RTBDN: variants seen among roughly 807,000 people sequenced by gnomAD.
The protein encoded by RTBDN is retbindin.
RTBDN carries 24 observed loss-of-function variants against 21.9 expected under a neutral mutation model. The observed-to-expected ratio is 1.10, with a 90% CI of 0.79 to 1.54. The LOEUF is 1.54. Among genes scored for constraint, RTBDN ranks in the 40% most tolerant of loss-of-function variants. The probability of loss-of-function intolerance (pLI) is 0.00; values close to 1 mark genes in which losing one functional copy is unlikely to be tolerated. For missense variants in RTBDN, 325 were observed against 315.2 expected, an observed-to-expected ratio of 1.03 and a Z score of -0.23; for synonymous variants, 141 against 125.9, an observed-to-expected ratio of 1.12 and a Z score of -0.80.
upstream of RTBDN, chr19:12,835,246 A>C: frequency 1.3e-6 from 1 of 755,288 alleles, no homozygotes; most frequent in East Asian, 2.6e-5. Flanking sequence ...TTGGAAAACT[A>C]ATTTGCTTTC....
At position 12,834,145 on chromosome 19, in the gene RTBDN, C is replaced by A. The variant is rs560462233; in HGVS notation, c.-19+344G>T. 93 of 401,990 alleles carry A rather than the reference C, an allele frequency of 2.3e-4. 2 individuals are homozygous for A. The South Asian group carries it at 5.5e-3, about 24-fold the overall frequency. The allele number at this position is 401,990 out of a possible 1,614,324, so 24.9% of individuals were successfully genotyped here. A position where few individuals can be genotyped will look rare whatever the true frequency, so the allele number is the denominator to read the frequency against. ...GGTTCGGGACGCTAACCGCGGGGAA[C>A]GCTGTGGCCGCGCGTCCCGCCGCGC... On this transcript the variant is annotated intron_variant, in intron 1 of 5. Transcript: ENST00000674343. The surrounding 1 kb of genome is among the most constrained non-coding windows in gnomAD (Gnocchi z 4.7).
In RTBDN at chr19:12,826,867, C is replaced by T. The variant is rs1316772363; in HGVS notation, c.370G>A (p.Ala124Thr). 1.1e-5 allele frequency: 17 copies of T among 1,550,270 alleles called. No individual in the cohort carries two copies. The highest frequency in any genetic ancestry group is 2.4e-5 in the East Asian group (1 of 40,964). Reference protein sequence around the residue: ...LCEELCQAWFANCEDDITCGP... With the variant: ...LCEELCQAWFTNCEDDITCGP... ...CAGGTGATATCATCTTCGCAGTTGG[C>T]GAACCTGGAGATGGCGAGTGGAGAG... The change falls in exon 5 of 6, where the codon GCC becomes ACC. Residue 124 changes from alanine to threonine, a missense_variant. By Grantham distance (58) the Ala-to-Thr change is moderately conservative. Transcript: ENST00000674343.
At position 12,830,282 on chromosome 19, in the gene RTBDN, CT is replaced by C; in HGVS notation, c.-18-286del. ...CCTCCCATCCAGCAGGATCTCCCACCTTTTTAGTCTTCAAGAGACCCCTTCT... is the reference window on the plus strand; with the variant it reads ...CCTCCCATCCAGCAGGATCTCCCACCTTTTAGTCTTCAAGAGACCCCTTCT... On this transcript the variant is annotated intron_variant, in intron 1 of 5. Coordinates refer to ENST00000674343, the MANE Select transcript of RTBDN (RefSeq NM_001270441.2). This position sits in a 1 kb window ranked among gnomAD's most constrained non-coding sequence, Gnocchi z 4.2. The C allele has an allele frequency of 8.6e-7, 1 of 1,168,258 alleles. No homozygotes were observed. Among genetic ancestry groups the C allele is most frequent in the Non-Finnish European group, 1.1e-6 (1 of 944,294 alleles). 72.4% of individuals were successfully genotyped at this position (1,168,258 alleles called of 1,614,324 possible).
At chr19:12,834,761 A>C (rs765635649), upstream of RTBDN, 3 of 1,612,818 alleles carry the variant, frequency 1.9e-6, no homozygotes, top group Non-Finnish European at 2.5e-6. This position sits in a 1 kb window ranked among gnomAD's most constrained non-coding sequence, Gnocchi z 4.7. Context: ...GGCGGGGACA[A>C]ACTCAGGTGT....
At chr19:12,833,845 C>T (rs1384143046) in intron 1 of RTBDN, 2 of 355,410 alleles carry the variant, frequency 5.6e-6, no homozygotes, top group Non-Finnish European at 1.0e-5. Context: ...CCACCCCTCC[C>T]CTCAGCCGCC....
At position 12,826,836 on chromosome 19, in the gene RTBDN, G is replaced by T. The variant is rs759082052; in HGVS notation, c.401C>A (p.Pro134Gln). The T allele has an allele frequency of 1.1e-5, 17 of 1,554,050 alleles. No homozygotes were observed. The highest frequency in any genetic ancestry group is 3.9e-5 in the Admixed American group (2 of 51,540). Residue 134 changes from proline (P) to glutamine (Q), a missense_variant, in exon 5 of 6, where the codon CCG becomes CAG. Transcript: ENST00000674343. ...ANCEDDITCGPTWLPLSEKRG... is the reference protein window; with the variant it reads ...ANCEDDITCGQTWLPLSEKRG... ...TTTTTCTGAGAGTGGGAGCCAAGTC[G>T]GGCCGCAGGTGATATCATCTTCGCA...
intron 5 of RTBDN, 142 bp from the exon 6 acceptor site, chr19:12,826,075 C>G: frequency 7.1e-7 from 1 of 1,407,624 alleles, no homozygotes; most frequent in Non-Finnish European, 9.2e-7. Flanking sequence ...ATGTGCGGAA[C>G]GTGAGTGGGG....
chr19:12,832,062 C>T (rs564929392), intron 1 of RTBDN, among the ~76,000 whole-genome samples: 17 of 152,142 alleles, frequency 1.1e-4, no homozygotes, highest in Admixed American at 6.5e-4. Context: ...TGGATGTTTG[C>T]GTGTGTCTGC....
intron 4 of RTBDN, among the ~76,000 whole-genome samples, chr19:12,828,084 A>C (rs1599552633): frequency 1.6e-5 from 2 of 122,198 alleles, no homozygotes; most frequent in Non-Finnish European, 3.4e-5. Flanking sequence ...CAAGAGCAAA[A>C]CTCCATCTCA....
At chr19:12,834,872 G>C (rs374161379), upstream of RTBDN, 1 of 1,612,968 alleles carries the variant, frequency 6.2e-7, no homozygotes, top group African/African-American at 1.3e-5. This position sits in a 1 kb window ranked among gnomAD's most constrained non-coding sequence, Gnocchi z 4.7. Flanking sequence ...GGAAGTTCAG[G>C]GTTAATACGG....
upstream of RTBDN, chr19:12,834,682 C>A: frequency 6.5e-7 from 1 of 1,545,854 alleles, no homozygotes; most frequent in Non-Finnish European, 8.9e-7. The surrounding 1 kb of genome is among the most constrained non-coding windows in gnomAD (Gnocchi z 4.7). Context: ...CTCGAGGCTG[C>A]GCAGGCGCAG....
chr19:12,834,598 A>C (rs556879152), upstream of RTBDN: 247 of 1,516,856 alleles, frequency 1.6e-4, no homozygotes, highest in African/African-American at 3.2e-3. This position sits in a 1 kb window ranked among gnomAD's most constrained non-coding sequence, Gnocchi z 4.7. Flanking sequence ...CCCCACCGCG[A>C]TCCTCAAGTC....
intron 5 of RTBDN, 116 bp downstream of exon 5, chr19:12,826,659 A>G (rs1206221805): frequency 1.2e-6 from 1 of 827,562 alleles, no homozygotes; most frequent in South Asian, 1.6e-5. Flanking sequence ...GCGCCACTGC[A>G]CTCCAGCCTG....
At chr19:12,826,291 CT>C (rs1199104996) in intron 5 of RTBDN, 1 of 1,219,268 alleles carries the variant, frequency 8.2e-7, no homozygotes, top group Non-Finnish European at 1.0e-6. Context: ...ACTTCGAGAG[CT>C]TTTGGGGTCA....
intron 1 of RTBDN, among the ~76,000 whole-genome samples, chr19:12,833,440 T>G (rs997922609): frequency 6.6e-6 from 1 of 151,908 alleles, no homozygotes; most frequent in African/African-American, 2.4e-5. Context: ...GAAAGTCACC[T>G]CTCAGGGACC....
intron 5 of RTBDN, 110 bp from the exon 6 acceptor site, chr19:12,826,043 G>C (rs1969283460): frequency 5.6e-6 from 8 of 1,430,640 alleles, no homozygotes; most frequent in African/African-American, 1.4e-5. Flanking sequence ...GGTCAGAGCC[G>C]GAGCGTGCGG....
intron 1 of RTBDN, among the ~76,000 whole-genome samples, chr19:12,833,207 G>A (rs1385268208): frequency 6.6e-6 from 1 of 152,256 alleles, no homozygotes; most frequent in East Asian, 1.9e-4. Flanking sequence ...TTCTGAGGTT[G>A]CGTCTCCTGT....
At chr19:12,835,168 G>T (rs568672491), upstream of RTBDN, 26 of 1,479,878 alleles carry the variant, frequency 1.8e-5, no homozygotes, top group Non-Finnish European at 2.2e-5. Flanking sequence ...AGTGCAGCAG[G>T]AAAAATGGTG....
In RTBDN at chr19:12,830,547, G is replaced by C. The variant is rs1489443388; in HGVS notation, c.-18-550C>G. The C allele has an allele frequency of 2.0e-6, 2 of 984,264 alleles. No homozygotes were observed. The highest frequency in any genetic ancestry group is 4.7e-5 in the South Asian group (1 of 21,266). The allele number at this position is 984,264 out of a possible 1,614,324, so 61.0% of individuals were successfully genotyped here. A position where few individuals can be genotyped will look rare whatever the true frequency, so the allele number is the denominator to read the frequency against. ...ACTGGGGCCCAAAGCCCCGAGGCAG[G>C]GACAGCTAGCGGTCTGTGGAGACAA... is the stretch of plus-strand genomic sequence containing the variant. On this transcript the variant is annotated intron_variant, in intron 1 of 5. Transcript: ENST00000674343. This position sits in a 1 kb window ranked among gnomAD's most constrained non-coding sequence, Gnocchi z 4.2.
Sources: gnomAD v4.1 joint callset for allele counts (sites outside exome capture counted in the v4.1 genomes callset) on GRCh38, gnomAD v4.1.1 for gene constraint, Gnocchi (gnomAD v3.1) non-coding constraint, MANE v1.5 for transcripts, NCBI Gene and HGNC (gene_info 2026-07-23, HGNC 2026-07-21) for gene names.